Variants in TMEM117 observed in about 807,000 individuals in gnomAD.
TMEM117 encodes the protein transmembrane protein 117.
In TMEM117, 27 loss-of-function variants were observed where a neutral mutation model predicts 52.4. The observed-to-expected ratio is 0.51, with a 90% CI of 0.38 to 0.71. The LOEUF (loss-of-function observed/expected upper bound fraction) is 0.71. Ranked by LOEUF, TMEM117 falls within the 30% of genes least tolerant of loss-of-function variation. The probability of loss-of-function intolerance (pLI) is 0.00; values close to 1 mark genes in which losing one functional copy is unlikely to be tolerated. For synonymous variants in TMEM117, 215 were observed against 206.3 expected, an observed-to-expected ratio of 1.04 and a Z score of -0.36; for missense variants, 556 against 630.5, an observed-to-expected ratio of 0.88 and a Z score of 1.26.
At position 43,851,015 on chromosome 12, in the gene TMEM117, T is replaced by C. The variant is rs913954458; in HGVS notation, c.277+6087T>C. On this transcript the variant is annotated intron_variant, in intron 2 of 7. Transcript: ENST00000266534. The stretch of plus-strand genomic sequence containing the variant: ...CATTTCTTGAGATCAACTAAACAGC[T>C]TCTTTTTTTTATATAATTCTCTAAT... 3.3e-5 allele frequency among the ~76,000 whole-genome samples: 5 copies of C among 152,196 alleles called. No homozygotes were observed. The East Asian group carries it at 7.7e-4, about 23-fold the overall frequency.
intron 3 of TMEM117, among the ~76,000 whole-genome samples, chr12:44,069,760 T>C (rs1947273467): frequency 6.6e-6 from 1 of 152,262 alleles, no homozygotes; most frequent in Admixed American, 6.5e-5. Context: ...ACAAAATATC[T>C]GACTAATAGT....
intron 6 of TMEM117, among the ~76,000 whole-genome samples, chr12:44,320,584 G>T (rs1951117120): frequency 6.6e-6 from 1 of 151,994 alleles, no homozygotes; most frequent in Non-Finnish European, 1.5e-5. Context: ...AATACTTGTT[G>T]ATTACCGAAT....
At chr12:44,008,059 G>C (rs574916614) in intron 3 of TMEM117, among the ~76,000 whole-genome samples, 8 of 152,244 alleles carry the variant, frequency 5.3e-5, no homozygotes, top group Admixed American at 3.3e-4. Flanking sequence ...CAGTTTGAAA[G>C]CCTCCATCCA....
chr12:44,394,711 A>G (rs529336428), downstream of TMEM117, among the ~76,000 whole-genome samples: 6 of 152,276 alleles, frequency 3.9e-5, 1 homozygote, highest in South Asian at 1.2e-3. Context: ...ACCACCTTTC[A>G]TAAATCCTGA....
chr12:44,040,551 A>G (rs1946780710), intron 3 of TMEM117, among the ~76,000 whole-genome samples: 2 of 152,074 alleles, frequency 1.3e-5, no homozygotes, highest in Admixed American at 1.3e-4. Context: ...ACATCTTTCC[A>G]GGTTTCTTTG....
intron 5 of TMEM117, among the ~76,000 whole-genome samples, chr12:44,211,968 C>T (rs941907054): frequency 2.0e-5 from 3 of 152,190 alleles, no homozygotes; most frequent in African/African-American, 7.2e-5. Flanking sequence ...GCAAGAAGGG[C>T]ACTTTCACGT....
chr12:44,143,922 T>C (rs1681372085), intron 4 of TMEM117, among the ~76,000 whole-genome samples: 1 of 152,182 alleles, frequency 6.6e-6, no homozygotes, highest in African/African-American at 2.4e-5. Context: ...ACATATACAG[T>C]CATAACATTA....
chr12:44,051,310 A>G (rs1380891887), intron 3 of TMEM117, among the ~76,000 whole-genome samples: 1 of 152,138 alleles, frequency 6.6e-6, no homozygotes, highest in Non-Finnish European at 1.5e-5. Flanking sequence ...GGATACTAAT[A>G]ATAATAATGA....
intron 4 of TMEM117, among the ~76,000 whole-genome samples, chr12:44,198,431 T>C (rs1261951559): frequency 6.6e-6 from 1 of 152,128 alleles, no homozygotes; most frequent in Non-Finnish European, 1.5e-5. Context: ...TATTGCCTAT[T>C]CCATAAGAAA....
chr12:43,813,257 T>C, the TMEM117 span, among the ~76,000 whole-genome samples: 2 of 133,440 alleles, frequency 1.5e-5, no homozygotes, highest in Admixed American at 7.6e-5. Flanking sequence ...TTTTTTTTTT[T>C]TTCTGAGACA....
chr12:44,031,937 T>C (rs1462531621), intron 3 of TMEM117, among the ~76,000 whole-genome samples: 1 of 152,184 alleles, frequency 6.6e-6, no homozygotes, highest in East Asian at 1.9e-4. Context: ...TAAAAGCCCT[T>C]TGGGGAAATG....
At chr12:44,028,405 G>A (rs1946578319) in intron 3 of TMEM117, among the ~76,000 whole-genome samples, 1 of 152,178 alleles carries the variant, frequency 6.6e-6, no homozygotes, top group Non-Finnish European at 1.5e-5. Context: ...GACACCTACT[G>A]GGCTGCATTC....
intron 4 of TMEM117, among the ~76,000 whole-genome samples, chr12:44,179,583 C>A (rs1949162631): frequency 6.6e-6 from 1 of 152,246 alleles, no homozygotes; most frequent in Admixed American, 6.5e-5. Context: ...CCTTCTTCTA[C>A]CTGCTTTGTT....
At chr12:44,133,934 C>A (rs528368878) in intron 3 of TMEM117, among the ~76,000 whole-genome samples, 2 of 152,238 alleles carry the variant, frequency 1.3e-5, no homozygotes, top group East Asian at 1.9e-4. Context: ...CTTCTTGTTA[C>A]CTTTTTCTGA....
rs7974788 is a variant in TMEM117, at chr12:44,088,076, C to G, written c.411-55449C>G. ...GTGATGATATCATATGTCCCTTAGC[C>G]TCTGGAACACTTCACTGTAGCTTTA... On this transcript the variant is annotated intron_variant, in intron 3 of 7. Transcript: ENST00000266534. Among the ~76,000 whole-genome samples, 1,243 of 152,286 alleles carry G rather than the reference C, an allele frequency of 8.2e-3. 13 individuals carry two copies. Among genetic ancestry groups the G allele is most frequent in the African/African-American group, 0.028 (1,184 of 41,548 alleles).
At chr12:43,965,145 T>A (rs1463310196) in intron 3 of TMEM117, among the ~76,000 whole-genome samples, 1 of 152,218 alleles carries the variant, frequency 6.6e-6, no homozygotes, top group East Asian at 1.9e-4. Flanking sequence ...TAATTGGCAG[T>A]AGAGACATAC....
At chr12:44,049,447 G>A (rs1946933795) in intron 3 of TMEM117, among the ~76,000 whole-genome samples, 1 of 151,772 alleles carries the variant, frequency 6.6e-6, no homozygotes, top group Admixed American at 6.6e-5. Flanking sequence ...GGAACTTAGA[G>A]GATGGGTCAA....
intron 3 of TMEM117, among the ~76,000 whole-genome samples, chr12:44,132,360 C>G (rs1462908867): frequency 1.3e-5 from 2 of 151,856 alleles, no homozygotes; most frequent in Non-Finnish European, 2.9e-5. Flanking sequence ...AGCAAATATC[C>G]CATCTAAGTT....
chr12:44,333,526 T>G (rs1258057395), intron 6 of TMEM117, among the ~76,000 whole-genome samples: 2 of 151,938 alleles, frequency 1.3e-5, no homozygotes, highest in Non-Finnish European at 2.9e-5. Flanking sequence ...ATCATGATAG[T>G]GAGTTCTCAC....
Sources: gnomAD v4.1 joint callset for allele counts (sites outside exome capture counted in the v4.1 genomes callset) on GRCh38, gnomAD v4.1.1 for gene constraint, MANE v1.5 for transcripts, NCBI Gene and HGNC (gene_info 2026-07-23, HGNC 2026-07-21) for gene names.